The following PPP2R2C variants were observed in gnomAD, a reference collection of about 807,000 sequenced individuals.
PPP2R2C encodes protein phosphatase 2 regulatory subunit Bgamma.
Under a neutral mutation model 45.3 loss-of-function variants are expected in PPP2R2C, and 10 were observed. The observed-to-expected ratio is 0.22, with a 90% CI of 0.14 to 0.37. The LOEUF (loss-of-function observed/expected upper bound fraction) is 0.37, where lower values mean the gene tolerates loss of function less well. Ranked by LOEUF, PPP2R2C falls within the 10% of genes least tolerant of loss-of-function variation. The pLI, the probability that PPP2R2C is intolerant of heterozygous loss-of-function variation, is 1.00. For synonymous variants in PPP2R2C, 257 were observed against 245.4 expected (o/e 1.05, Z -0.44); for missense variants, 308 against 619.7 (o/e 0.50, Z 5.34).
Position 6,383,317 on chromosome 4 carries a change from C to A in PPP2R2C, c.71-2223G>T, listed in dbSNP as rs536494670. Reference sequence around the variant, plus strand: ...CAGGGCAAGCCCAGCCAAGCCCAGACCACAGAATCGCAGATGCAAGATGAT... The same window carrying A: ...CAGGGCAAGCCCAGCCAAGCCCAGAACACAGAATCGCAGATGCAAGATGAT... On this transcript the variant is annotated intron_variant, in intron 1 of 8. Transcript: ENST00000382599. 1.6e-5 allele frequency: 21 copies of A among 1,282,774 alleles called. No individual in the cohort carries two copies. The African/African-American group carries it at 3.0e-4, about 19-fold the overall frequency. The allele number at this position is 1,282,774 out of a possible 1,614,324, so 79.5% of individuals were successfully genotyped here. A position where few individuals can be genotyped will look rare whatever the true frequency, so the allele number is the denominator to read the frequency against.
rs1298217177 is a variant in PPP2R2C at position 6,323,203 on chromosome 4, T to G, written c.*99A>C. ...CCACCTCTGCAGCTGTCCTCATCAG[T>G]GCTGTGACTTTCTTCCCCTCCTTGC... On this transcript the variant is annotated 3_prime_UTR_variant, in exon 9 of 9. Transcript: ENST00000382599. 1 of 1,414,286 alleles carries G rather than the reference T, an allele frequency of 7.1e-7. No individual in the cohort carries two copies. The highest frequency in any genetic ancestry group is 9.6e-7 in the Non-Finnish European group (1 of 1,040,860). The allele number at this position is 1,414,286 out of a possible 1,614,324, so 87.6% of individuals were successfully genotyped here.
intron 1 of PPP2R2C, among the ~76,000 whole-genome samples, chr4:6,556,371 G>A (rs953309391): frequency 1.3e-5 from 2 of 152,110 alleles, no homozygotes; most frequent in Admixed American, 1.3e-4. Flanking sequence ...TCCTGCCCTG[G>A]GATTGGCACT....
At chr4:6,457,704 T>A (rs139531870) in intron 1 of PPP2R2C, among the ~76,000 whole-genome samples, 34 of 152,300 alleles carry the variant, frequency 2.2e-4, no homozygotes, top group African/African-American at 7.2e-4. Context: ...GTACAACTAA[T>A]ATTTATTTGG....
chr4:6,501,049 AAGAG>A (rs982737061), intron 2 of PPP2R2C, among the ~76,000 whole-genome samples: 5 of 152,320 alleles, frequency 3.3e-5, no homozygotes, highest in Admixed American at 2.0e-4. Flanking sequence ...ACTCTGGGGG[AAGAG>A]AGAATCATTG....
intron 1 of PPP2R2C, among the ~76,000 whole-genome samples, chr4:6,552,549 TCTC>T (rs1725217735): frequency 6.6e-6 from 1 of 151,906 alleles, no homozygotes; most frequent in Non-Finnish European, 1.5e-5. Flanking sequence ...TTCCTCTTTC[TCTC>T]CTCTGCTTGT....
intron 4 of PPP2R2C, among the ~76,000 whole-genome samples, chr4:6,374,637 G>A (rs1249151359): frequency 6.6e-6 from 1 of 152,156 alleles, no homozygotes; most frequent in Non-Finnish European, 1.5e-5. Context: ...AGGCCTCCTG[G>A]GGTGCCCACG....
At chr4:6,350,245 C>T (rs1712416956) in intron 5 of PPP2R2C, 2 of 985,456 alleles carry the variant, frequency 2.0e-6, no homozygotes, top group Non-Finnish European at 2.4e-6. Context: ...ACCTGGCAGC[C>T]CAGCCCTCCC....
chr4:6,367,495 C>CAGA (rs1714434839), intron 5 of PPP2R2C, among the ~76,000 whole-genome samples: 1 of 152,158 alleles, frequency 6.6e-6, no homozygotes, highest in East Asian at 1.9e-4. Flanking sequence ...TCAGAACTGT[C>CAGA]ACCCTCTGAC....
At chr4:6,426,452 G>A (rs1719338113) in intron 1 of PPP2R2C, among the ~76,000 whole-genome samples, 2 of 152,224 alleles carry the variant, frequency 1.3e-5, no homozygotes, top group African/African-American at 2.4e-5. Context: ...CCTGGCTTCA[G>A]GAAGAACAGA....
intron 5 of PPP2R2C, among the ~76,000 whole-genome samples, chr4:6,369,491 AT>A (rs1336367505): frequency 1.3e-5 from 2 of 152,162 alleles, no homozygotes; most frequent in African/African-American, 4.8e-5. Context: ...AAAGAAAACA[AT>A]TTTTTTTAAA....
intron 5 of PPP2R2C, among the ~76,000 whole-genome samples, chr4:6,354,469 C>G (rs1157142133): frequency 6.6e-6 from 1 of 152,162 alleles, no homozygotes; most frequent in Non-Finnish European, 1.5e-5. Flanking sequence ...GGGCCAGCTC[C>G]ACCTCCTGAT....
At chr4:6,360,635 C>T (rs560435409) in intron 5 of PPP2R2C, among the ~76,000 whole-genome samples, 2 of 152,362 alleles carry the variant, frequency 1.3e-5, no homozygotes, top group African/African-American at 4.8e-5. Context: ...AGGCCTCCCA[C>T]ACATGGAGTT....
intron 2 of PPP2R2C, among the ~76,000 whole-genome samples, chr4:6,379,003 C>T (rs779491435): frequency 1.3e-5 from 2 of 150,584 alleles, no homozygotes; most frequent in Non-Finnish European, 2.9e-5. Context: ...GCGAGCACCC[C>T]TCTGCCGAGG....
chr4:6,355,357 C>T (rs1451741991), intron 5 of PPP2R2C, among the ~76,000 whole-genome samples: 6 of 151,886 alleles, frequency 4.0e-5, no homozygotes, highest in Non-Finnish European at 1.5e-5. Flanking sequence ...CTTCCTGTGT[C>T]CATGTGATCT....
chr4:6,382,031 T>C, intron 1 of PPP2R2C: 1 of 1,407,758 alleles, frequency 7.1e-7, no homozygotes, highest in Non-Finnish European at 9.2e-7. Flanking sequence ...GGAGGACAGC[T>C]CACCAACCTG....
chr4:6,424,845 T>A (rs184591092), intron 1 of PPP2R2C, among the ~76,000 whole-genome samples: 177 of 152,080 alleles, frequency 1.2e-3, no homozygotes, highest in African/African-American at 4.2e-3. Context: ...GAGGTGAGAG[T>A]GAGCCAAGGC....
rs1387481074 is a variant in PPP2R2C, at chr4:6,345,219, A to C, written c.790+2627T>G. 2.6e-5 allele frequency among the ~76,000 whole-genome samples: 4 copies of C among 152,166 alleles called. No individual in the cohort carries two copies. Among genetic ancestry groups the C allele is most frequent in the Non-Finnish European group, 4.4e-5 (3 of 68,032 alleles). ...GCAGGAAGAACCCCCTCTCTTCCCCAATATTCTCCCATTCCATTCGGACCC... is the reference window on the plus strand; with the variant it reads ...GCAGGAAGAACCCCCTCTCTTCCCCCATATTCTCCCATTCCATTCGGACCC... On this transcript the variant is annotated intron_variant, in intron 6 of 8. Transcript: ENST00000382599. The surrounding 1 kb of genome is among the most constrained non-coding windows in gnomAD (Gnocchi z 5.3).
intron 1 of PPP2R2C, among the ~76,000 whole-genome samples, chr4:6,418,402 C>T (rs893146178): frequency 7.2e-5 from 11 of 152,238 alleles, no homozygotes; most frequent in African/African-American, 2.4e-4. Context: ...CACACAGCTG[C>T]TGCCACGCAG....
At chr4:6,470,267 C>G (rs1191207484) in intron 1 of PPP2R2C, among the ~76,000 whole-genome samples, 3 of 152,244 alleles carry the variant, frequency 2.0e-5, no homozygotes, top group African/African-American at 7.2e-5. Context: ...AAACAGTGCC[C>G]GGCATGCAGC....
Sources: gnomAD v4.1 joint callset for allele counts (sites outside exome capture counted in the v4.1 genomes callset) on GRCh38, gnomAD v4.1.1 for gene constraint, Gnocchi (gnomAD v3.1) non-coding constraint, MANE v1.5 for transcripts, NCBI Gene and HGNC (gene_info 2026-07-23, HGNC 2026-07-21) for gene names.